Variants in EPC2 observed in about 807,000 individuals in gnomAD.
EPC2 encodes the protein enhancer of polycomb homolog 2.
A neutral mutation model predicts 92.1 loss-of-function variants in EPC2; 14 were observed. The observed-to-expected ratio is 0.15, with a 90% CI of 0.10 to 0.24. EPC2 has a LOEUF of 0.24. Among genes scored for constraint, EPC2 ranks in the 10% least tolerant of loss-of-function variants. EPC2 has a pLI of 1.00. For missense variants in EPC2, 755 were observed against 971.5 expected (o/e 0.78, Z 2.96); for synonymous variants, 340 against 334.7 (o/e 1.02, Z -0.17).
intron 3 of EPC2, among the ~76,000 whole-genome samples, chr2:148,744,856 TTCATTAG>T (rs1018670580): frequency 6.6e-6 from 1 of 152,024 alleles, no homozygotes; most frequent in Non-Finnish European, 1.5e-5. Flanking sequence ...GTTAAAACTT[TTCATTAG>T]TTTACCCATA....
At chr2:148,682,207 C>G (rs1681413030) in intron 1 of EPC2, among the ~76,000 whole-genome samples, 1 of 152,160 alleles carries the variant, frequency 6.6e-6, no homozygotes, top group Non-Finnish European at 1.5e-5. Context: ...TTTATAGTAG[C>G]ATGATTTATA....
At chr2:148,652,793 CTCTA>C (rs1475149733) in intron 1 of EPC2, among the ~76,000 whole-genome samples, 1 of 152,116 alleles carries the variant, frequency 6.6e-6, no homozygotes, top group Non-Finnish European at 1.5e-5. Context: ...TATATTCGTC[CTCTA>C]TCTAATATTA....
At chr2:148,781,045 G>T (rs1376752738) in intron 10 of EPC2, among the ~76,000 whole-genome samples, 1 of 152,100 alleles carries the variant, frequency 6.6e-6, no homozygotes, top group South Asian at 2.1e-4. Flanking sequence ...TCAGTTTTCT[G>T]AATACTTGTC....
Position 148,644,791 on chromosome 2 carries a change from C to T in EPC2, c.-227C>T, listed in dbSNP as rs962506768. Among the ~76,000 whole-genome samples the T allele has an allele frequency of 8.9e-6, 1 of 112,752 alleles. No homozygotes were observed. The highest frequency in any genetic ancestry group is 1.8e-5 in the Non-Finnish European group (1 of 54,188). 74.0% of individuals were successfully genotyped at this position (112,752 alleles called of 152,430 possible). ...GTTGGCCATGGCGCAGGGAGCGGAT[C>T]GGGCGGGCGAGCGGCGGATCTAGTG... On this transcript the variant is annotated 5_prime_UTR_variant, in exon 1 of 14. Transcript: ENST00000258484.
At chr2:148,766,447 C>T (rs1242956838) in intron 7 of EPC2, among the ~76,000 whole-genome samples, 1 of 152,058 alleles carries the variant, frequency 6.6e-6, no homozygotes, top group Non-Finnish European at 1.5e-5. Context: ...TTTTATATTC[C>T]CTTCAGGAGC....
chr2:148,731,764 A>G (rs1192975365), intron 2 of EPC2, among the ~76,000 whole-genome samples: 1 of 152,250 alleles, frequency 6.6e-6, no homozygotes, highest in Non-Finnish European at 1.5e-5. Flanking sequence ...TTCTCTTTAC[A>G]TTAAAAAACA....
Position 148,644,843 on chromosome 2 carries a change from GCT to G in EPC2, c.-174_-173del. On this transcript the variant is annotated 5_prime_UTR_variant, in exon 1 of 14. Transcript: ENST00000258484. Reference sequence around the variant, plus strand: ...GTGGAGGCGGCCGCGGGCGCGGGGGGCTGTTTTCGGGCGGGGTGGGCGCCCAT... The same window carrying G: ...GTGGAGGCGGCCGCGGGCGCGGGGGGGTTTTCGGGCGGGGTGGGCGCCCAT... The G allele has an allele frequency of 3.6e-6, 2 of 557,664 alleles. No homozygotes were observed. The highest frequency in any genetic ancestry group is 6.2e-6 in the Non-Finnish European group (2 of 323,038). The allele number at this position is 557,664 out of a possible 1,614,324, so 34.5% of individuals were successfully genotyped here. A position where few individuals can be genotyped will look rare whatever the true frequency, so the allele number is the denominator to read the frequency against.
chr2:148,781,832 G>A, intron 11 of EPC2, 52 bp downstream of exon 11: 1 of 1,599,350 alleles, frequency 6.3e-7, no homozygotes, highest in African/African-American at 1.3e-5. Flanking sequence ...TCATTATGTA[G>A]TTTTATTCCA....
intron 2 of EPC2, among the ~76,000 whole-genome samples, chr2:148,710,278 GC>G (rs1420165740): frequency 2.0e-5 from 3 of 152,208 alleles, no homozygotes; most frequent in African/African-American, 7.2e-5. Context: ...TCAGAGAAAT[GC>G]AAATCAAAAC....
intron 10 of EPC2, among the ~76,000 whole-genome samples, chr2:148,774,098 A>G (rs892250655): frequency 2.6e-5 from 4 of 152,326 alleles, no homozygotes; most frequent in Non-Finnish European, 5.9e-5. Flanking sequence ...TAAACAGATT[A>G]TTAGTACTGA....
rs371361117 is a variant in EPC2, at chr2:148,661,925, GT to G, written c.153+16759del. On this transcript the variant is annotated intron_variant, in intron 1 of 13. Transcript: ENST00000258484. ...GTTACTCTTTTCAAAAATGTCTTTA[GT>G]TTTGGGCTAATATCCAGAATCTACA... Among the ~76,000 whole-genome samples, 11 of 152,132 alleles carry G rather than the reference GT, an allele frequency of 7.2e-5. No homozygotes were observed. The East Asian group carries it at 1.5e-3, about 21-fold the overall frequency.
intron 2 of EPC2, among the ~76,000 whole-genome samples, chr2:148,730,722 A>G (rs1030562364): frequency 6.6e-6 from 1 of 152,226 alleles, no homozygotes; most frequent in Non-Finnish European, 1.5e-5. Flanking sequence ...AGAAGTATAC[A>G]GGCTCTGAGG....
chr2:148,723,814 C>T lies in EPC2; in HGVS notation c.314-19808C>T, dbSNP rs150927747. Among the ~76,000 whole-genome samples the T allele has an allele frequency of 8.2e-3, 1,252 of 152,022 alleles. 14 individuals are homozygous for T. Among genetic ancestry groups the T allele is most frequent in the African/African-American group, 0.027 (1,111 of 41,482 alleles). ...TGAGGTTGATATACTTAAATTTCTT[C>T]TGATTGAGACAATTGGATTTATAAC... On this transcript the variant is annotated intron_variant, in intron 2 of 13. Transcript: ENST00000258484.
intron 2 of EPC2, among the ~76,000 whole-genome samples, chr2:148,732,505 C>T (rs1682655208): frequency 1.3e-5 from 2 of 151,970 alleles, no homozygotes; most frequent in South Asian, 4.1e-4. Flanking sequence ...CTCAGCCTCC[C>T]AAGTAGCTGA....
chr2:148,689,416 G>T (rs1681599887), intron 1 of EPC2, among the ~76,000 whole-genome samples: 1 of 152,200 alleles, frequency 6.6e-6, no homozygotes. Flanking sequence ...CTGACCTTTT[G>T]ATCCGCCCAT....
intron 10 of EPC2, among the ~76,000 whole-genome samples, chr2:148,777,527 ATCTTTGTT>A (rs386651533): frequency 0.18 from 27,901 of 152,160 alleles, 3,278 homozygotes; most frequent in East Asian, 0.49. Flanking sequence ...TCAACAAAAA[ATCTTTGTT>A]AGTTAACAAA....
At chr2:148,681,864 T>TCCCCCTA (rs1193951181) in intron 1 of EPC2, among the ~76,000 whole-genome samples, 1 of 152,076 alleles carries the variant, frequency 6.6e-6, no homozygotes, top group Non-Finnish European at 1.5e-5. Context: ...ATGCTATCCC[T>TCCCCCTA]CCCCCTACCC....
intron 2 of EPC2, among the ~76,000 whole-genome samples, chr2:148,711,609 C>G (rs959519531): frequency 2.0e-5 from 3 of 152,144 alleles, no homozygotes; most frequent in Admixed American, 6.6e-5. Context: ...GTTGACTGAT[C>G]ATGCTGTCCA....
chr2:148,786,277 T>C, intron 13 of EPC2, 28 bp from the exon 14 acceptor site: 1 of 1,567,096 alleles, frequency 6.4e-7, no homozygotes, highest in Non-Finnish European at 8.8e-7. Context: ...TATTGATATT[T>C]ATTTTATCCT....
Sources: allele counts gnomAD v4.1 joint callset (sites outside exome capture counted in the v4.1 genomes callset), GRCh38; gene constraint gnomAD v4.1.1; transcripts MANE v1.5; gene names NCBI Gene and HGNC (gene_info 2026-07-23, HGNC 2026-07-21).